Variants in SLC2A9 observed in about 807,000 individuals in gnomAD.
SLC2A9 encodes solute carrier family 2, facilitated glucose transporter member 9.
SLC2A9 carries 39 observed loss-of-function variants against 50.6 expected under a neutral mutation model. The observed-to-expected ratio is 0.77, with a 90% CI of 0.60 to 1.01. SLC2A9 has a LOEUF of 1.01. Among genes scored for constraint, SLC2A9 ranks in the 50% least tolerant of loss-of-function variants. The probability of loss-of-function intolerance (pLI) is 0.00; values close to 1 mark genes in which losing one functional copy is unlikely to be tolerated. For missense variants in SLC2A9, 686 were observed against 677.6 expected, an observed-to-expected ratio of 1.01 and a Z score of -0.14; for synonymous variants, 324 against 276.9, an observed-to-expected ratio of 1.17 and a Z score of -1.69.
intron 1 of SLC2A9, among the ~76,000 whole-genome samples, chr4:10,029,994 G>GT (rs1401785534): frequency 2.6e-5 from 4 of 152,042 alleles, no homozygotes; most frequent in Non-Finnish European, 5.9e-5. Flanking sequence ...GCTGTTTAAA[G>GT]TAATCACTAT....
rs1000981157 is a variant in SLC2A9 at position 9,937,233 on chromosome 4, T to A, written c.814+4680A>T. On this transcript the variant is annotated intron_variant, in intron 6 of 11. Transcript: ENST00000264784. ...AAAACGAAGAAGTGTGTGGGCAATT[T>A]CTAGGAACGACTTCGTGCTCTGAGG... Among the ~76,000 whole-genome samples the A allele has an allele frequency of 2.0e-5, 3 of 152,174 alleles. No individual in the cohort carries two copies. The East Asian group carries it at 5.8e-4, about 29-fold the overall frequency.
chr4:9,974,233 G>A lies in SLC2A9; in HGVS notation c.681+6359C>T, dbSNP rs527641361. ...CCTCTTGAGAACTGAAACAAGACAA[G>A]GTGCCCACTCTCACCACTCCTATTC... On this transcript the variant is annotated intron_variant, in intron 5 of 11. Transcript: ENST00000264784. Among the ~76,000 whole-genome samples the A allele has an allele frequency of 2.6e-5, 4 of 152,278 alleles. No homozygotes were observed. In the South Asian group the frequency reaches 8.3e-4, roughly 32 times the overall value.
At chr4:9,977,668 C>G (rs1309538102) in intron 5 of SLC2A9, among the ~76,000 whole-genome samples, 1 of 151,764 alleles carries the variant, frequency 6.6e-6, no homozygotes, top group East Asian at 1.9e-4. Context: ...CCTCTCTCTT[C>G]CTACAGACCC....
At chr4:9,979,575 A>C (rs1755362631) in intron 5 of SLC2A9, among the ~76,000 whole-genome samples, 1 of 152,080 alleles carries the variant, frequency 6.6e-6, no homozygotes, top group Non-Finnish European at 1.5e-5. Context: ...CTACCACCTC[A>C]GTCGCAGCTG....
intron 2 of SLC2A9, among the ~76,000 whole-genome samples, chr4:10,007,751 G>A (rs1277263206): frequency 2.0e-5 from 3 of 152,178 alleles, no homozygotes; most frequent in African/African-American, 7.2e-5. Flanking sequence ...CGGTTGGCCG[G>A]AATGAAAAGG....
At chr4:9,844,359 T>C (rs1006837708) in intron 10 of SLC2A9, among the ~76,000 whole-genome samples, 11 of 152,126 alleles carry the variant, frequency 7.2e-5, no homozygotes, top group Non-Finnish European at 1.6e-4. Flanking sequence ...TTGAGTATTC[T>C]ATGTAAAGAA....
At chr4:9,893,233 C>A (rs759402015) in intron 8 of SLC2A9, among the ~76,000 whole-genome samples, 2 of 152,110 alleles carry the variant, frequency 1.3e-5, no homozygotes, top group Non-Finnish European at 2.9e-5. Context: ...CCCCCTCCCC[C>A]CTCCGCATTC....
chr4:9,888,460 C>A lies in SLC2A9; in HGVS notation c.1216-818G>T, dbSNP rs370539808. 1.6e-4 allele frequency among the ~76,000 whole-genome samples: 25 copies of A among 151,854 alleles called. No homozygotes were observed. The East Asian group carries it at 4.7e-3, about 28-fold the overall frequency. ...CATGGAATATGTCTGGAGAAGCTGT[C>A]ACTCATCCGGGGGGTGGGTGGCTTG... On this transcript the variant is annotated intron_variant, in intron 9 of 11. Transcript: ENST00000264784.
intron 3 of SLC2A9, among the ~76,000 whole-genome samples, chr4:9,786,218 C>G (rs1229064387): frequency 6.6e-6 from 1 of 152,206 alleles, no homozygotes; most frequent in Non-Finnish European, 1.5e-5. Context: ...TCTCGCTGCC[C>G]TGTGAGGTAA....
At chr4:9,960,026 C>A (rs113323981) in intron 5 of SLC2A9, among the ~76,000 whole-genome samples, 2 of 152,232 alleles carry the variant, frequency 1.3e-5, no homozygotes, top group Non-Finnish European at 2.9e-5. Context: ...GGGTTATATT[C>A]TCCCCCAGTG....
intron 1 of SLC2A9, chr4:10,035,547 T>G (rs1265183110): frequency 1.3e-5 from 2 of 152,206 alleles, no homozygotes; most frequent in East Asian, 3.9e-4. Flanking sequence ...GATACCTGCA[T>G]GGATCCTGGG....
intron 1 of SLC2A9, 187 bp from the exon 2 acceptor site, chr4:10,019,260 C>G (rs1763196633): frequency 1.7e-6 from 1 of 597,072 alleles, no homozygotes; most frequent in African/African-American, 1.9e-5. Flanking sequence ...TCCAGGTCCG[C>G]GTGCGCAGGC....
intron 10 of SLC2A9, chr4:9,879,015 T>C (rs1193372110): frequency 4.1e-6 from 4 of 983,756 alleles, no homozygotes; most frequent in South Asian, 4.7e-5. Context: ...ATGTTTTGAA[T>C]GAATTCATGA....
chr4:9,819,440 C>T (rs1724099384), intron 3 of SLC2A9, among the ~76,000 whole-genome samples: 1 of 152,170 alleles, frequency 6.6e-6, no homozygotes, highest in Admixed American at 6.5e-5. Context: ...TCATGAACCA[C>T]CTTTCTTCAT....
downstream of SLC2A9, among the ~76,000 whole-genome samples, chr4:9,797,691 T>C (rs1720752023): frequency 6.6e-6 from 1 of 152,204 alleles, no homozygotes; most frequent in Non-Finnish European, 1.5e-5. Context: ...CCAAGTCAAA[T>C]GCTCCCTCCT....
chr4:9,853,612 A>C (rs1300508552), intron 10 of SLC2A9, among the ~76,000 whole-genome samples: 2 of 152,174 alleles, frequency 1.3e-5, no homozygotes, highest in African/African-American at 4.8e-5. Context: ...AAACCAGCAA[A>C]GATATTTGGG....
intron 11 of SLC2A9, among the ~76,000 whole-genome samples, chr4:9,833,586 T>G (rs1296262561): frequency 1.3e-5 from 2 of 152,168 alleles, no homozygotes; most frequent in Non-Finnish European, 2.9e-5. Flanking sequence ...AACTGCTCCG[T>G]AACTGTGAAT....
chr4:9,942,662 C>T (rs1349347850), intron 5 of SLC2A9, among the ~76,000 whole-genome samples: 1 of 152,208 alleles, frequency 6.6e-6, no homozygotes, highest in Non-Finnish European at 1.5e-5. Context: ...CTACGACACG[C>T]ACTATTCAAG....
intron 9 of SLC2A9, 142 bp from the exon 10 acceptor site, chr4:9,887,784 A>G (rs1261743063): frequency 6.0e-6 from 3 of 503,458 alleles, no homozygotes; most frequent in Non-Finnish European, 6.9e-6. Context: ...TTCAGCATCT[A>G]TAACATGGGA....
Sources: allele counts gnomAD v4.1 joint callset (sites outside exome capture counted in the v4.1 genomes callset), GRCh38; gene constraint gnomAD v4.1.1; transcripts MANE v1.5; gene names NCBI Gene and HGNC (gene_info 2026-07-23, HGNC 2026-07-21).